GOLPH3L: variants seen among roughly 807,000 people sequenced by gnomAD.
GOLPH3L encodes the protein Golgi phosphoprotein 3-like.
In GOLPH3L, 22 loss-of-function variants were observed where a neutral mutation model predicts 30.3. That is an observed-to-expected ratio of 0.73 (90% CI 0.52 to 1.04). The LOEUF (loss-of-function observed/expected upper bound fraction) is 1.04, where lower values mean the gene tolerates loss of function less well. Ranked by LOEUF, GOLPH3L falls within the 50% of genes least tolerant of loss-of-function variation. The pLI is 0.00. For synonymous variants in GOLPH3L, 120 were observed against 128.2 expected, an observed-to-expected ratio of 0.94 and a Z score of 0.43; for missense variants, 303 against 345.8, an observed-to-expected ratio of 0.88 and a Z score of 0.98.
intron 2 of GOLPH3L, 149 bp from the exon 3 acceptor site, chr1:150,663,912 T>C (rs1215475607): frequency 1.3e-5 from 7 of 535,394 alleles, no homozygotes; most frequent in Non-Finnish European, 2.3e-5. Flanking sequence ...GTTTCTTTAA[T>C]CCTCTTAAAC....
At position 150,663,727 on chromosome 1, in the gene GOLPH3L, C is replaced by T; in HGVS notation, c.220G>A (p.Gly74Ser). Residue 74 changes from glycine (G) to serine (S), a missense_variant, in exon 3 of 5, where the codon GGC becomes AGC. Coordinates refer to ENST00000271732, the MANE Select transcript of GOLPH3L (RefSeq NM_018178.6). ...TSFWNDCISSGLRGGILIELA... is the reference protein window; with the variant it reads ...TSFWNDCISSSLRGGILIELA... ...TCTATCAGGATGCCCCCTCGCAGGC[C>T]TGATGATATGCAGTCATTCCAGAAA... The T allele has an allele frequency of 6.2e-7, 1 of 1,613,398 alleles. No homozygotes were observed. The highest frequency in any genetic ancestry group is 1.1e-5 in the South Asian group (1 of 91,060).
chr1:150,647,726 G>A lies in GOLPH3L; in HGVS notation c.*595C>T, dbSNP rs1341013998. 6.5e-6 allele frequency: 1 copy of A among 152,672 alleles called. No homozygotes were observed. Among genetic ancestry groups the A allele is most frequent in the Non-Finnish European group, 1.5e-5 (1 of 68,094 alleles). 9.5% of individuals were successfully genotyped at this position (152,672 alleles called of 1,614,324 possible). A position where few individuals can be genotyped will look rare whatever the true frequency, so the allele number is the denominator to read the frequency against. On this transcript the variant is annotated 3_prime_UTR_variant, in exon 5 of 5. Transcript: ENST00000271732. ...CTGGCTCTAGGACTTTGACATCCAG[G>A]TAATTGAATCTGGGACATTCTCATT... is the stretch of plus-strand genomic sequence containing the variant.
intron 2 of GOLPH3L, among the ~76,000 whole-genome samples, chr1:150,680,244 C>T (rs1305110629): frequency 1.3e-5 from 2 of 152,084 alleles, no homozygotes; most frequent in South Asian, 2.1e-4. Flanking sequence ...TCACCAGTAC[C>T]CAGAGAGAGG....
intron 2 of GOLPH3L, among the ~76,000 whole-genome samples, chr1:150,687,069 G>A (rs11204698): frequency 0.38 from 57,280 of 151,830 alleles, 11,068 homozygotes; most frequent in South Asian, 0.54. Context: ...CATTTTGCGC[G>A]ATTAGGAAAC....
intron 2 of GOLPH3L, among the ~76,000 whole-genome samples, chr1:150,672,040 T>C (rs779920027): frequency 3.9e-5 from 6 of 152,132 alleles, no homozygotes; most frequent in African/African-American, 1.4e-4. Context: ...TGAGAAAATA[T>C]CACTTTTTAA....
At chr1:150,665,400 C>T (rs998560698) in intron 2 of GOLPH3L, among the ~76,000 whole-genome samples, 2 of 151,926 alleles carry the variant, frequency 1.3e-5, no homozygotes, top group Non-Finnish European at 2.9e-5. Context: ...CATCATAGCT[C>T]ACTGTAGACT....
intron 2 of GOLPH3L, among the ~76,000 whole-genome samples, chr1:150,685,143 A>G (rs1651052038): frequency 6.6e-6 from 1 of 152,202 alleles, no homozygotes; most frequent in African/African-American, 2.4e-5. Context: ...TTCCTCCTTA[A>G]TATTTGAGGC....
intron 2 of GOLPH3L, among the ~76,000 whole-genome samples, chr1:150,692,231 T>C (rs1156623269): frequency 6.6e-6 from 1 of 152,240 alleles, no homozygotes; most frequent in African/African-American, 2.4e-5. Flanking sequence ...TTGTAACTAC[T>C]ACTATTTAAA....
intron 2 of GOLPH3L, among the ~76,000 whole-genome samples, chr1:150,664,463 C>CT (rs374354302): frequency 1.1e-4 from 16 of 151,410 alleles, no homozygotes; most frequent in Admixed American, 4.6e-4. Flanking sequence ...GTTCTTTTTT[C>CT]TTTTTTTTGA....
At chr1:150,661,792 A>G (rs372300855) in intron 4 of GOLPH3L, 22 bp downstream of exon 4, 55 of 992,256 alleles carry the variant, frequency 5.5e-5, no homozygotes, top group Non-Finnish European at 8.8e-5. Flanking sequence ...TGAAATTCAT[A>G]TATTATTTTA....
chr1:150,666,498 C>T (rs1650511560), intron 2 of GOLPH3L, among the ~76,000 whole-genome samples: 1 of 152,100 alleles, frequency 6.6e-6, no homozygotes, highest in African/African-American at 2.4e-5. Context: ...GTGCACCTCA[C>T]CACGCCTGGC....
rs587682157 is a variant in GOLPH3L, at chr1:150,689,371, C to G, written c.183+5285G>C. 9.9e-5 allele frequency among the ~76,000 whole-genome samples: 15 copies of G among 152,274 alleles called. 2 individuals carry two copies. In the South Asian group the frequency reaches 2.9e-3, roughly 29 times the overall value. On this transcript the variant is annotated intron_variant, in intron 2 of 4. Transcript: ENST00000271732. ...ATAAATGAAAAGTTTTATACATTAG[C>G]AAGTCAATTAAAACACTGTTCATGA...
intron 1 of GOLPH3L, 71 bp downstream of exon 1, chr1:150,696,921 A>C (rs1469945425): frequency 6.6e-6 from 1 of 152,170 alleles, no homozygotes; most frequent in East Asian, 1.9e-4. Flanking sequence ...TAAAATAATA[A>C]TTTTAAAAAA....
chr1:150,648,010 T>G lies in GOLPH3L; in HGVS notation c.*311A>C. ...TATAGCTGGAGAACTCAAAATCCCA[T>G]TTAGATATTTCTGCTTATCCAAAAG... On this transcript the variant is annotated 3_prime_UTR_variant, in exon 5 of 5. Coordinates refer to ENST00000271732, the MANE Select transcript of GOLPH3L (RefSeq NM_018178.6). 3.6e-6 allele frequency: 1 copy of G among 278,780 alleles called. No homozygotes were observed. Among genetic ancestry groups the G allele is most frequent in the Non-Finnish European group, 6.7e-6 (1 of 149,324 alleles). 17.3% of individuals were successfully genotyped at this position (278,780 alleles called of 1,614,324 possible).
At chr1:150,663,183 C>T (rs587687474) in intron 3 of GOLPH3L, among the ~76,000 whole-genome samples, 1 of 152,072 alleles carries the variant, frequency 6.6e-6, no homozygotes, top group Admixed American at 6.6e-5. Flanking sequence ...TACAGGCGCC[C>T]GCCACAATGC....
chr1:150,650,524 C>T (rs1421442442), intron 4 of GOLPH3L, among the ~76,000 whole-genome samples: 3 of 152,174 alleles, frequency 2.0e-5, no homozygotes, highest in African/African-American at 7.2e-5. Context: ...GGAGGTGAGC[C>T]ATGGGTGAGT....
chr1:150,693,623 T>G (rs1392426052), intron 2 of GOLPH3L, among the ~76,000 whole-genome samples: 1 of 151,534 alleles, frequency 6.6e-6, no homozygotes, highest in Admixed American at 6.6e-5. Context: ...TGATGTATAC[T>G]AGTAGAGAAG....
At chr1:150,666,053 T>C (rs1219400300) in intron 2 of GOLPH3L, among the ~76,000 whole-genome samples, 2 of 152,120 alleles carry the variant, frequency 1.3e-5, no homozygotes, top group Non-Finnish European at 2.9e-5. Context: ...TTGTAGGTGG[T>C]GTATCTTTTC....
At chr1:150,664,796 C>T (rs1444482661) in intron 2 of GOLPH3L, among the ~76,000 whole-genome samples, 1 of 152,126 alleles carries the variant, frequency 6.6e-6, no homozygotes, top group Non-Finnish European at 1.5e-5. Flanking sequence ...AACCCACTGT[C>T]ATTAAGTGCC....
Sources: gnomAD v4.1 joint callset for allele counts (sites outside exome capture counted in the v4.1 genomes callset) on GRCh38, gnomAD v4.1.1 for gene constraint, MANE v1.5 for transcripts, NCBI Gene and HGNC (gene_info 2026-07-23, HGNC 2026-07-21) for gene names.